Variants in ENPP3 observed in about 807,000 individuals in gnomAD.
The protein encoded by ENPP3 is ectonucleotide pyrophosphatase/phosphodiesterase 3, also known as ectonucleotide pyrophosphatase/phosphodiesterase family member 3.
In ENPP3, 104 loss-of-function variants were observed where a neutral mutation model predicts 117.8. The ratio of observed to expected loss-of-function variants is 0.88; its 90% confidence interval spans 0.75 to 1.04. The LOEUF is 1.04. Among genes scored for constraint, ENPP3 ranks in the 50% least tolerant of loss-of-function variants. The pLI is 0.00. For missense variants in ENPP3, 1,026 were observed against 1,051.9 expected, an observed-to-expected ratio of 0.98 and a Z score of 0.34; for synonymous variants, 380 against 349.9, an observed-to-expected ratio of 1.09 and a Z score of -0.96.
chr6:131,642,724 C>T (rs1478072843), intron 2 of ENPP3: 1 of 152,104 alleles, frequency 6.6e-6, no homozygotes, highest in Non-Finnish European at 1.5e-5. Context: ...GCATGCACTA[C>T]CACACGTGGT....
chr6:131,678,868 A>G (rs1056947678), intron 11 of ENPP3, among the ~76,000 whole-genome samples: 1 of 151,370 alleles, frequency 6.6e-6, no homozygotes, highest in Non-Finnish European at 1.5e-5. Flanking sequence ...ACTATCTAAA[A>G]TATATTCACC....
intron 15 of ENPP3, among the ~76,000 whole-genome samples, chr6:131,705,533 G>A (rs1320014551): frequency 6.6e-6 from 1 of 151,788 alleles, no homozygotes; most frequent in East Asian, 1.9e-4. Context: ...ATTTAAGGAG[G>A]TTTGTAAAAT....
intron 18 of ENPP3, 39 bp from the exon 19 acceptor site, chr6:131,723,996 TTTGAC>T (rs1562474884): frequency 3.5e-6 from 5 of 1,447,652 alleles, no homozygotes; most frequent in Non-Finnish European, 4.8e-6. Flanking sequence ...ATATTGTTGC[TTTGAC>T]TTATTTCCTC....
chr6:131,688,653 G>A (rs1779208095), intron 14 of ENPP3, among the ~76,000 whole-genome samples: 1 of 152,170 alleles, frequency 6.6e-6, no homozygotes, highest in South Asian at 2.1e-4. Flanking sequence ...CTAATTCAGA[G>A]CAAGACGCTA....
intron 10 of ENPP3, 73 bp downstream of exon 10, chr6:131,676,874 T>TA: frequency 1.0e-6 from 1 of 955,740 alleles, no homozygotes; most frequent in Non-Finnish European, 1.6e-6. Context: ...TTTTTTTTTT[T>TA]ACTTTAAATT....
chr6:131,736,079 C>CAA (rs779918456), intron 21 of ENPP3, among the ~76,000 whole-genome samples: 15 of 152,230 alleles, frequency 9.9e-5, no homozygotes, highest in Non-Finnish European at 2.1e-4. Flanking sequence ...TGCCATGAGA[C>CAA]AAATGAAGCA....
chr6:131,733,735 T>A lies in ENPP3; in HGVS notation c.2089+12T>A. On this transcript the variant is annotated intron_variant, in intron 21 of 24. Coordinates refer to ENST00000357639, the MANE Select transcript of ENPP3 (RefSeq NM_005021.5). ...CCTCTATCCTCCTGGTTAGTAGAAC[T>A]CTTTTTTAGAGCAGTAGCTTAGAAA... The A allele has an allele frequency of 6.2e-7, 1 of 1,613,086 alleles. No individual in the cohort carries two copies. Among genetic ancestry groups the A allele is most frequent in the Non-Finnish European group, 8.5e-7 (1 of 1,179,192 alleles).
rs199857750 is a variant in ENPP3 at position 131,708,912 on chromosome 6, G to T, written c.1413-9760G>T. ...TTGTATCCACTGGAAACAATGGACC[G>T]CTGATTGGAGCAAGAGGTGGAGGAA... On this transcript the variant is annotated intron_variant, in intron 15 of 24. Coordinates refer to ENST00000357639, the MANE Select transcript of ENPP3 (RefSeq NM_005021.5). 3.6e-3 allele frequency: 5,827 copies of T among 1,605,444 alleles called. 61 individuals are homozygous for T. The highest frequency in any genetic ancestry group is 4.3e-3 in the Non-Finnish European group (5,120 of 1,178,062).
At position 131,726,117 on chromosome 6, in the gene ENPP3, C is replaced by T; in HGVS notation, c.1870C>T (p.Leu624Phe). 2 of 1,613,520 alleles carry T rather than the reference C, an allele frequency of 1.2e-6. No individual in the cohort carries two copies. Among genetic ancestry groups the T allele is most frequent in the Non-Finnish European group, 1.7e-6 (2 of 1,179,432 alleles). The stretch of plus-strand genomic sequence containing the variant: ...ACTGCAGAAGAACGTGGACCACTGT[C>T]TCCTTTACCACAGGGAATATGTCAG... ...RVLQKNVDHC[L>F]LYHREYVSGF... Residue 624 changes from leucine to phenylalanine, a missense_variant, in exon 20 of 25, where the codon CTC (leucine) becomes TTC (phenylalanine). Physicochemically the swap from Leu to Phe is conservative, Grantham distance 22 (BLOSUM62 0). Coordinates refer to ENST00000357639, the MANE Select transcript of ENPP3 (RefSeq NM_005021.5).
intron 6 of ENPP3, 110 bp from the exon 7 acceptor site, chr6:131,671,138 T>C (rs1461967748): frequency 2.8e-6 from 2 of 719,474 alleles, no homozygotes; most frequent in Non-Finnish European, 5.0e-6. Flanking sequence ...TTTAATCCAC[T>C]TTTTAGTTTG....
At chr6:131,717,793 C>T (rs1779930180) in intron 15 of ENPP3, among the ~76,000 whole-genome samples, 1 of 152,106 alleles carries the variant, frequency 6.6e-6, no homozygotes, top group Non-Finnish European at 1.5e-5. Context: ...TGTATAACAA[C>T]ATTTTGGCCA....
intron 12 of ENPP3, 91 bp downstream of exon 12, chr6:131,683,253 T>C (rs1284456727): frequency 8.2e-6 from 6 of 733,160 alleles, no homozygotes; most frequent in Non-Finnish European, 1.4e-5. Context: ...TTTTAAAATC[T>C]CTACTTCCAG....
chr6:131,647,733 C>T (rs1778180324), intron 2 of ENPP3, among the ~76,000 whole-genome samples: 1 of 151,950 alleles, frequency 6.6e-6, no homozygotes, highest in South Asian at 2.1e-4. Context: ...TTTAATGTTT[C>T]ATAATATTGG....
chr6:131,720,358 G>C lies in ENPP3; in HGVS notation c.1546G>C (p.Glu516Gln), dbSNP rs149604420. 276 of 1,587,134 alleles carry C rather than the reference G, an allele frequency of 1.7e-4. 1 individual carries two copies. In the African/African-American group the frequency reaches 2.3e-3, roughly 13 times the overall value. The change falls in exon 17 of 25, where the codon GAA becomes CAA. Residue 516 changes from glutamate to glutamine, a missense_variant. Physicochemically the swap from Glu to Gln is conservative, Grantham distance 29. Transcript: ENST00000357639. ...TGAAGTTGAACCATTTGAAAATATTGAAGTCTATAACCTAATGTGTGGTAA... is the reference window on the plus strand; with the variant it reads ...TGAAGTTGAACCATTTGAAAATATTCAAGTCTATAACCTAATGTGTGGTAA... ...KTEVEPFENI[E>Q]VYNLMCDLLR... is the part of the protein sequence containing the mutation.
At chr6:131,736,470 C>T (rs1038971887) in intron 21 of ENPP3, among the ~76,000 whole-genome samples, 3 of 152,088 alleles carry the variant, frequency 2.0e-5, no homozygotes, top group African/African-American at 7.2e-5. Context: ...TATCAGATCT[C>T]GTGAGACTTA....
intron 15 of ENPP3, among the ~76,000 whole-genome samples, chr6:131,713,295 A>C (rs1779826167): frequency 6.6e-6 from 1 of 150,610 alleles, no homozygotes; most frequent in South Asian, 2.1e-4. Flanking sequence ...CTTTATTAGC[A>C]GCATGAGAAC....
At chr6:131,724,139 A>G in intron 19 of ENPP3, 48 bp downstream of exon 19, 1 of 1,335,788 alleles carries the variant, frequency 7.5e-7, no homozygotes. Flanking sequence ...AGACCTAACA[A>G]AACACAATGT....
At chr6:131,742,166 G>T (rs1394539224) in intron 24 of ENPP3, among the ~76,000 whole-genome samples, 1 of 151,998 alleles carries the variant, frequency 6.6e-6, no homozygotes, top group African/African-American at 2.4e-5. Context: ...AGGAAGAAGA[G>T]TTTCTGAACA....
At chr6:131,653,675 G>A (rs1278583938) in intron 5 of ENPP3, among the ~76,000 whole-genome samples, 1 of 152,100 alleles carries the variant, frequency 6.6e-6, no homozygotes, top group Non-Finnish European at 1.5e-5. Flanking sequence ...GCCTCCCAAA[G>A]TGTTGGGATT....
Sources: allele counts gnomAD v4.1 joint callset (sites outside exome capture counted in the v4.1 genomes callset), GRCh38; gene constraint gnomAD v4.1.1; transcripts MANE v1.5; gene names NCBI Gene and HGNC (gene_info 2026-07-23, HGNC 2026-07-21).